The following RCAN2 variants were observed in gnomAD, a reference collection of about 807,000 sequenced individuals.
RCAN2 encodes regulator of calcineurin 2, also known as calcipressin-2.
In RCAN2, 9 loss-of-function variants were observed where a neutral mutation model predicts 23.6. That is an observed-to-expected ratio of 0.38 (90% CI 0.23 to 0.67). The LOEUF is 0.67. Ranked by LOEUF, RCAN2 falls within the 30% of genes least tolerant of loss-of-function variation. The pLI is 0.51. For synonymous variants in RCAN2, 109 were observed against 115.7 expected (o/e 0.94, Z 0.37); for missense variants, 273 against 302.3 (o/e 0.90, Z 0.72).
intron 4 of RCAN2, among the ~76,000 whole-genome samples, chr6:46,240,000 A>C (rs1308540556): frequency 1.3e-5 from 2 of 152,188 alleles, no homozygotes; most frequent in African/African-American, 2.4e-5. Flanking sequence ...AAGAGGTGGG[A>C]AGATAAAGAG....
Position 46,331,684 on chromosome 6 carries a change from T to C in RCAN2, c.226-82788A>G, listed in dbSNP as rs368238823. Among the ~76,000 whole-genome samples the C allele has an allele frequency of 4.6e-5, 7 of 152,344 alleles. No homozygotes were observed. In the South Asian group the frequency reaches 1.0e-3, roughly 23 times the overall value. Reference sequence around the variant, plus strand: ...ATTTCAACATATTTTAAGATATCAATCTAGAGGCTTACAGGAGCTCTTTGT... The same window carrying C: ...ATTTCAACATATTTTAAGATATCAACCTAGAGGCTTACAGGAGCTCTTTGT... On this transcript the variant is annotated intron_variant, in intron 2 of 4. Transcript: ENST00000371374.
chr6:46,441,705 T>C (rs1047798147), intron 2 of RCAN2, among the ~76,000 whole-genome samples: 1 of 152,158 alleles, frequency 6.6e-6, no homozygotes, highest in East Asian at 1.9e-4. Context: ...GGCTATATGA[T>C]AGAACATTCC....
At chr6:46,299,018 A>G in intron 2 of RCAN2, among the ~76,000 whole-genome samples, 1 of 152,066 alleles carries the variant, frequency 6.6e-6, no homozygotes, top group Non-Finnish European at 1.5e-5. Flanking sequence ...AGAAAACAAA[A>G]TACCCCATGC....
intron 4 of RCAN2, among the ~76,000 whole-genome samples, chr6:46,235,477 A>G (rs1043676835): frequency 4.6e-5 from 7 of 152,174 alleles, no homozygotes; most frequent in African/African-American, 9.7e-5. Context: ...ATGAGGAGCT[A>G]CATATCCAGG....
rs1160568446 is a variant in RCAN2, at chr6:46,489,430, T to C, written c.-3+1743A>G. On this transcript the variant is annotated intron_variant, in intron 1 of 4. Coordinates refer to ENST00000371374, the MANE Select transcript of RCAN2 (RefSeq NM_001251974.2). ...AAGCACACAGGAGGTGCTCAACAAA[T>C]AATTATTGAATTGATCGAGTGGATG... Among the ~76,000 whole-genome samples, 5 of 152,216 alleles carry C rather than the reference T, an allele frequency of 3.3e-5. No homozygotes were observed. The East Asian group carries it at 9.6e-4, about 29-fold the overall frequency.
intron 2 of RCAN2, among the ~76,000 whole-genome samples, chr6:46,453,674 A>G (rs1767943601): frequency 2.0e-5 from 3 of 152,328 alleles, no homozygotes; most frequent in Non-Finnish European, 2.9e-5. Flanking sequence ...AATTTCCTCA[A>G]AAATGAAAAG....
chr6:46,381,815 A>C (rs1191847593), intron 2 of RCAN2, among the ~76,000 whole-genome samples: 2 of 152,060 alleles, frequency 1.3e-5, no homozygotes, highest in African/African-American at 4.8e-5. Context: ...TTGGCATTTT[A>C]AAAAATCTTA....
intron 1 of RCAN2, among the ~76,000 whole-genome samples, chr6:46,462,878 G>A (rs768378619): frequency 6.6e-6 from 1 of 152,190 alleles, no homozygotes; most frequent in Non-Finnish European, 1.5e-5. Context: ...TAGGAATTGG[G>A]TATAACTCAT....
chr6:46,324,371 C>A (rs1291515163), intron 2 of RCAN2, among the ~76,000 whole-genome samples: 1 of 152,176 alleles, frequency 6.6e-6, no homozygotes, highest in Non-Finnish European at 1.5e-5. Context: ...ATGTGCTATG[C>A]CAAGAACACA....
chr6:46,379,820 G>A (rs896074731), intron 2 of RCAN2, among the ~76,000 whole-genome samples: 1 of 152,172 alleles, frequency 6.6e-6, no homozygotes, highest in Non-Finnish European at 1.5e-5. Flanking sequence ...CTAAGTGTAA[G>A]CATCAGGAAA....
chr6:46,362,464 A>G (rs1561875022), intron 2 of RCAN2, among the ~76,000 whole-genome samples: 1 of 152,096 alleles, frequency 6.6e-6, no homozygotes, highest in Non-Finnish European at 1.5e-5. Flanking sequence ...CTATAAGAAA[A>G]TGTTAGTCAA....
chr6:46,302,342 G>A (rs1033775308), intron 2 of RCAN2, among the ~76,000 whole-genome samples: 5 of 152,038 alleles, frequency 3.3e-5, no homozygotes, highest in Non-Finnish European at 7.4e-5. Context: ...GACATCAAGC[G>A]ATGTGTTGGA....
chr6:46,458,724 C>T (rs1409216182), intron 1 of RCAN2, among the ~76,000 whole-genome samples: 1 of 152,030 alleles, frequency 6.6e-6, no homozygotes, highest in African/African-American at 2.4e-5. Flanking sequence ...GAAACATGTG[C>T]ATGTATTTTC....
chr6:46,439,889 A>G (rs1168269284), intron 2 of RCAN2, among the ~76,000 whole-genome samples: 1 of 152,252 alleles, frequency 6.6e-6, no homozygotes, highest in Non-Finnish European at 1.5e-5. Flanking sequence ...TAAAGAGGCT[A>G]GTTGAAGAGT....
intron 4 of RCAN2, among the ~76,000 whole-genome samples, chr6:46,232,790 CAAAAAAAAAA>C (rs35457944): frequency 1.1e-5 from 1 of 89,210 alleles, no homozygotes; most frequent in Non-Finnish European, 2.1e-5. Flanking sequence ...AAGACTGTCT[CAAAAAAAAAA>C]AAAAAAAAAA....
At chr6:46,293,548 A>T (rs1416684796) in intron 2 of RCAN2, among the ~76,000 whole-genome samples, 1 of 152,202 alleles carries the variant, frequency 6.6e-6, no homozygotes, top group East Asian at 1.9e-4. Context: ...CAAATAAGAA[A>T]TTCAAATTGG....
intron 2 of RCAN2, among the ~76,000 whole-genome samples, chr6:46,370,610 C>T (rs776020012): frequency 6.6e-6 from 1 of 152,214 alleles, no homozygotes; most frequent in South Asian, 2.1e-4. Flanking sequence ...ATTCTCCTTC[C>T]TCCTTTGGCC....
intron 4 of RCAN2, among the ~76,000 whole-genome samples, chr6:46,224,896 G>A (rs1259754960): frequency 6.6e-5 from 10 of 151,374 alleles, no homozygotes; most frequent in East Asian, 1.9e-4. Flanking sequence ...CTGTTAACTC[G>A]TCATTTACAT....
chr6:46,228,626 T>C (rs947871775), intron 4 of RCAN2, among the ~76,000 whole-genome samples: 4 of 152,202 alleles, frequency 2.6e-5, no homozygotes, highest in Non-Finnish European at 4.4e-5. Context: ...TCTATTTGCT[T>C]GGTAGATCTT....
Sources: allele counts gnomAD v4.1 joint callset (sites outside exome capture counted in the v4.1 genomes callset), GRCh38; gene constraint gnomAD v4.1.1; transcripts MANE v1.5; gene names NCBI Gene and HGNC (gene_info 2026-07-23, HGNC 2026-07-21).